Variants in IFI16 observed in about 807,000 individuals in gnomAD.
The protein encoded by IFI16 is interferon gamma inducible protein 16.
IFI16 carries 49 observed loss-of-function variants against 68.4 expected under a neutral mutation model. The observed-to-expected ratio is 0.72, with a 90% CI of 0.57 to 0.91. The LOEUF is 0.91. Ranked by LOEUF, IFI16 falls within the 40% of genes least tolerant of loss-of-function variation. IFI16 has a pLI of 0.00. For synonymous variants in IFI16, 307 were observed against 315.0 expected (o/e 0.97, Z 0.27); for missense variants, 878 against 942.9 (o/e 0.93, Z 0.90).
upstream of IFI16, among the ~76,000 whole-genome samples, chr1:159,009,599 T>C (rs1652418838): frequency 6.6e-6 from 1 of 152,186 alleles, no homozygotes; most frequent in Admixed American, 6.5e-5. Context: ...GGTAAGAAAG[T>C]TCTAATGTTG....
At chr1:159,044,501 CCTCT>C (rs759660547) in intron 7 of IFI16, among the ~76,000 whole-genome samples, 3 of 152,190 alleles carry the variant, frequency 2.0e-5, no homozygotes, top group African/African-American at 7.2e-5. Flanking sequence ...CTTTTGTGTA[CCTCT>C]CTATCAACAA....
chr1:159,040,458 G>A (rs1368991609), intron 7 of IFI16, among the ~76,000 whole-genome samples: 2 of 152,188 alleles, frequency 1.3e-5, no homozygotes, highest in African/African-American at 4.8e-5. Context: ...AATTGTTTGA[G>A]TGTTTTCATA....
At chr1:159,046,501 T>G (rs1274505414) in intron 8 of IFI16, among the ~76,000 whole-genome samples, 1 of 151,326 alleles carries the variant, frequency 6.6e-6, no homozygotes, top group Non-Finnish European at 1.5e-5. Flanking sequence ...ATTTGAGATA[T>G]GAACAGGAAT....
At chr1:159,011,967 T>A (rs1461487707) in intron 1 of IFI16, among the ~76,000 whole-genome samples, 2 of 152,208 alleles carry the variant, frequency 1.3e-5, no homozygotes. Context: ...ATGTTCTTTT[T>A]CTTCCCTCCC....
At chr1:159,030,229 G>A (rs1653922251) in intron 6 of IFI16, among the ~76,000 whole-genome samples, 1 of 151,628 alleles carries the variant, frequency 6.6e-6, no homozygotes, top group Non-Finnish European at 1.5e-5. Flanking sequence ...TCTTTAAGTT[G>A]GTATTCATCC....
chr1:159,011,228 A>G (rs1277386302), intron 1 of IFI16, among the ~76,000 whole-genome samples: 1 of 152,092 alleles, frequency 6.6e-6, no homozygotes, highest in South Asian at 2.1e-4. Flanking sequence ...TATTAAAAAT[A>G]CAATAATTAG....
At chr1:159,052,221 C>G in intron 10 of IFI16, 123 bp downstream of exon 10, 1 of 679,570 alleles carries the variant, frequency 1.5e-6, no homozygotes, top group Non-Finnish European at 2.5e-6. Flanking sequence ...CACCCTTCCC[C>G]CAGCACTAGA....
upstream of IFI16, among the ~76,000 whole-genome samples, chr1:159,002,300 T>A (rs1652088691): frequency 6.6e-6 from 1 of 152,100 alleles, no homozygotes; most frequent in South Asian, 2.1e-4. Flanking sequence ...ATGGAATGAT[T>A]CTCTGTTTAA....
At position 159,048,132 on chromosome 1, in the gene IFI16, A is replaced by G. The variant is rs2994824; in HGVS notation, c.1498-1300A>G. ...GCTTCCTATATTACCTCCATACAAG[A>G]TTTCCATCAGCAAGGGCATCATAAA... is the stretch of plus-strand genomic sequence containing the variant. On this transcript the variant is annotated intron_variant, in intron 8 of 11. Coordinates refer to ENST00000295809, the MANE Select transcript of IFI16 (RefSeq NM_001376587.1). Among the ~76,000 whole-genome samples, 231 of 150,904 alleles carry G rather than the reference A, an allele frequency of 1.5e-3. 5 individuals carry two copies. Among genetic ancestry groups the G allele is most frequent in the Non-Finnish European group, 2.1e-3 (142 of 67,428 alleles).
At position 159,018,636 on chromosome 1, in the gene IFI16, A is replaced by G. The variant is rs1457871973; in HGVS notation, c.957A>G (p.Val319=). 1.2e-6 allele frequency: 2 copies of G among 1,606,338 alleles called. No individual in the cohort carries two copies. Among genetic ancestry groups the G allele is most frequent in the Non-Finnish European group, 8.5e-7 (1 of 1,176,764 alleles). ...CTTCAGGAAATATTGTATATGGGGT[A>G]TTTATGCTACATAAGGTAAGTCCTC... ...KQASGNIVYG[V]FMLHKKTVNQ... is the part of the protein sequence containing the mutation. Residue 319 remains valine (V), a synonymous_variant, in exon 5 of 12, where the codon GTA becomes GTG. Coordinates refer to ENST00000295809, the MANE Select transcript of IFI16 (RefSeq NM_001376587.1).
chr1:159,013,697 T>A (rs1019894091), intron 1 of IFI16, among the ~76,000 whole-genome samples: 1 of 151,992 alleles, frequency 6.6e-6, no homozygotes, highest in Non-Finnish European at 1.5e-5. Flanking sequence ...TGGGAAGTAG[T>A]CAAAGAAAGA....
chr1:159,023,655 G>C (rs1011961856), intron 6 of IFI16, among the ~76,000 whole-genome samples: 1 of 152,084 alleles, frequency 6.6e-6, no homozygotes, highest in Non-Finnish European at 1.5e-5. Flanking sequence ...TGAAATGCCA[G>C]GGTGCAGGGG....
At chr1:159,010,993 G>T (rs1652519068) in intron 1 of IFI16, among the ~76,000 whole-genome samples, 1 of 152,180 alleles carries the variant, frequency 6.6e-6, no homozygotes, top group African/African-American at 2.4e-5. Context: ...GATAAATGTT[G>T]TTAATTACGT....
chr1:159,013,897 G>T (rs1652748676), intron 1 of IFI16, among the ~76,000 whole-genome samples: 1 of 152,104 alleles, frequency 6.6e-6, no homozygotes, highest in African/African-American at 2.4e-5. Context: ...GGAAGAAAAA[G>T]GAGAAATATT....
In IFI16 at chr1:159,038,714, AT is replaced by A. The variant is rs1230883404; in HGVS notation, c.1329+6024del. Among the ~76,000 whole-genome samples, 3 of 152,208 alleles carry A rather than the reference AT, an allele frequency of 2.0e-5. No individual in the cohort carries two copies. The East Asian group carries it at 5.8e-4, about 29-fold the overall frequency. On this transcript the variant is annotated intron_variant, in intron 7 of 11. Transcript: ENST00000295809. ...TTAGTGACATTAGGGGAAGTCACAC[AT>A]GATTTTCCAGACACCCTCTATCCTT...
At chr1:159,023,131 G>T (rs1443108244) in intron 6 of IFI16, among the ~76,000 whole-genome samples, 1 of 151,792 alleles carries the variant, frequency 6.6e-6, no homozygotes, top group African/African-American at 2.4e-5. Flanking sequence ...TTTTTTATCC[G>T]CTGAACCAAT....
chr1:159,023,551 A>T (rs1389074129), intron 6 of IFI16, among the ~76,000 whole-genome samples: 1 of 152,178 alleles, frequency 6.6e-6, no homozygotes, highest in Non-Finnish European at 1.5e-5. Context: ...ATAGGACCTT[A>T]ATAGCATTTA....
chr1:159,045,767 G>A lies in IFI16; in HGVS notation c.1497+303G>A, dbSNP rs1654942312. The stretch of plus-strand genomic sequence containing the variant: ...TAATACTTTAAGGTAGAACAAGGTG[G>A]GAAAAAACAGAGCCAACCATAACAC... On this transcript the variant is annotated intron_variant, in intron 8 of 11. Coordinates refer to ENST00000295809, the MANE Select transcript of IFI16 (RefSeq NM_001376587.1). 1.3e-5 allele frequency among the ~76,000 whole-genome samples: 2 copies of A among 150,830 alleles called. 1 individual carries two copies. Among genetic ancestry groups the A allele is most frequent in the Non-Finnish European group, 3.0e-5 (2 of 67,510 alleles).
At chr1:159,019,524 T>C (rs964712494) in intron 5 of IFI16, among the ~76,000 whole-genome samples, 24 of 151,760 alleles carry the variant, frequency 1.6e-4, no homozygotes, top group Non-Finnish European at 2.1e-4. Context: ...AGTGGCGCGA[T>C]CTCGGCTCAC....
Sources: allele counts gnomAD v4.1 joint callset (sites outside exome capture counted in the v4.1 genomes callset), GRCh38; gene constraint gnomAD v4.1.1; transcripts MANE v1.5; gene names NCBI Gene and HGNC (gene_info 2026-07-23, HGNC 2026-07-21).